RYR2: variants seen among roughly 807,000 people sequenced by gnomAD.
RYR2 encodes the protein ryanodine receptor 2.
In RYR2, 227 loss-of-function variants were observed where a neutral mutation model predicts 601.1. That is an observed-to-expected ratio of 0.38 (90% CI 0.34 to 0.42). The LOEUF is 0.42. Ranked by LOEUF, RYR2 falls within the 10% of genes least tolerant of loss-of-function variation. The probability of loss-of-function intolerance (pLI) is 1.00; values close to 1 mark genes in which losing one functional copy is unlikely to be tolerated. For synonymous variants in RYR2, 2,223 were observed against 2,175.1 expected, an observed-to-expected ratio of 1.02 and a Z score of -0.61; for missense variants, 4,646 against 6,156.5, an observed-to-expected ratio of 0.75 and a Z score of 8.21.
intron 1 of RYR2, among the ~76,000 whole-genome samples, chr1:237,092,773 C>T (rs1374638019): frequency 6.6e-6 from 1 of 152,176 alleles, no homozygotes; most frequent in Non-Finnish European, 1.5e-5. Flanking sequence ...TCTAGTGATC[C>T]ACCTGCCTCA....
chr1:237,294,766 C>T (rs1692590806), intron 2 of RYR2, among the ~76,000 whole-genome samples: 1 of 152,118 alleles, frequency 6.6e-6, no homozygotes, highest in Non-Finnish European at 1.5e-5. Flanking sequence ...TAACCCCCAA[C>T]CCCCTGGCCC....
intron 10 of RYR2, among the ~76,000 whole-genome samples, chr1:237,405,583 T>C (rs1248121950): frequency 6.6e-6 from 1 of 152,156 alleles, no homozygotes; most frequent in African/African-American, 2.4e-5. Flanking sequence ...CCATCAGAGA[T>C]GTTTTCCTTC....
At chr1:237,104,927 T>C (rs1043396604) in intron 1 of RYR2, among the ~76,000 whole-genome samples, 1 of 152,202 alleles carries the variant, frequency 6.6e-6, no homozygotes, top group Non-Finnish European at 1.5e-5. Context: ...GTTTGCCACA[T>C]TCCCTTCTCC....
At chr1:237,310,930 C>A (rs1694485376) in intron 2 of RYR2, among the ~76,000 whole-genome samples, 1 of 152,118 alleles carries the variant, frequency 6.6e-6, no homozygotes, top group Non-Finnish European at 1.5e-5. Flanking sequence ...GTAGAAGTTT[C>A]ACAGTTAGGG....
chr1:237,442,544 T>G (rs1367617543), intron 13 of RYR2, among the ~76,000 whole-genome samples: 1 of 152,202 alleles, frequency 6.6e-6, no homozygotes, highest in East Asian at 1.9e-4. Flanking sequence ...CCTGTTTGTA[T>G]TCATATTTAT....
At chr1:237,621,726 A>G (rs1679097051) in intron 38 of RYR2, among the ~76,000 whole-genome samples, 1 of 152,218 alleles carries the variant, frequency 6.6e-6, no homozygotes, top group African/African-American at 2.4e-5. Context: ...TACCTCATAA[A>G]TACATACAAT....
At chr1:237,312,817 C>T (rs1283060205) in intron 2 of RYR2, among the ~76,000 whole-genome samples, 1 of 152,146 alleles carries the variant, frequency 6.6e-6, no homozygotes, top group African/African-American at 2.4e-5. Flanking sequence ...ACTATTGCTA[C>T]CTGAATTGCA....
intron 58 of RYR2, among the ~76,000 whole-genome samples, chr1:237,669,271 T>C (rs982914895): frequency 1.5e-4 from 23 of 152,208 alleles, no homozygotes; most frequent in South Asian, 8.3e-4. Context: ...CTCCCATGTA[T>C]ACTTCTTTCT....
At chr1:237,420,572 T>C (rs2150045990) in intron 11 of RYR2, among the ~76,000 whole-genome samples, 1 of 152,286 alleles carries the variant, frequency 6.6e-6, no homozygotes, top group East Asian at 1.9e-4. Flanking sequence ...CCAGGCTAGT[T>C]TGAGTGGCTG....
intron 79 of RYR2, among the ~76,000 whole-genome samples, chr1:237,738,183 C>A (rs1691310410): frequency 6.6e-6 from 1 of 152,160 alleles, no homozygotes. Context: ...TCCACCACTG[C>A]AGGTCCCTTG....
chr1:237,235,237 T>C (rs1020160195), intron 1 of RYR2, among the ~76,000 whole-genome samples: 3 of 152,228 alleles, frequency 2.0e-5, no homozygotes, highest in African/African-American at 7.2e-5. Flanking sequence ...AGCTGAAGGC[T>C]CTTGTCAGGC....
At chr1:237,160,014 C>A (rs1377128066) in intron 1 of RYR2, among the ~76,000 whole-genome samples, 2 of 152,132 alleles carry the variant, frequency 1.3e-5, no homozygotes, top group Non-Finnish European at 2.9e-5. Context: ...AGGGACCATG[C>A]TTTACTAATG....
chr1:237,517,382 C>T (rs191806300), intron 24 of RYR2, among the ~76,000 whole-genome samples: 21 of 152,276 alleles, frequency 1.4e-4, no homozygotes, highest in East Asian at 3.9e-4. Flanking sequence ...TTAATATTTG[C>T]CTTTCCTTCT....
chr1:237,803,365 ACAC>A (rs1558450264), intron 98 of RYR2, among the ~76,000 whole-genome samples: 4 of 150,328 alleles, frequency 2.7e-5, no homozygotes, highest in African/African-American at 7.4e-5. Flanking sequence ...GTGCAGTGGC[ACAC>A]TCTCCGCTCA....
chr1:237,369,539 T>C lies in RYR2; in HGVS notation c.315T>C (p.Ala105=), dbSNP rs749284472. The C allele has an allele frequency of 6.4e-7, 1 of 1,561,444 alleles. No individual in the cohort carries two copies. Among genetic ancestry groups the C allele is most frequent in the South Asian group, 1.2e-5 (1 of 84,626 alleles). ...VEKWKFMMKT[A]QGGGHRTLLY... ...TTTTTCTCTTCTCTCTAAAGACTGC[T>C]CAAGGTGGTGGTCATCGAACACTCC... The change falls in exon 6 of 105, where the codon GCT becomes GCC. Residue 105 remains alanine (A), a synonymous_variant. Coordinates refer to ENST00000366574, the MANE Select transcript of RYR2 (RefSeq NM_001035.3).
At chr1:237,613,996 T>C (rs371162985) in intron 36 of RYR2, 43 bp from the exon 37 acceptor site, 18 of 1,544,550 alleles carry the variant, frequency 1.2e-5, no homozygotes, top group Middle Eastern at 1.8e-4. Flanking sequence ...TTTTAAAAAA[T>C]CATTCATTTC....
intron 97 of RYR2, among the ~76,000 whole-genome samples, chr1:237,801,465 CG>C (rs1407765977): frequency 1.3e-5 from 2 of 148,650 alleles, no homozygotes; most frequent in African/African-American, 2.5e-5. Flanking sequence ...TCGCTTGAAC[CG>C]GGGAGGCAGA....
At chr1:237,624,784 G>T (rs1449775011) in intron 39 of RYR2, among the ~76,000 whole-genome samples, 2 of 152,100 alleles carry the variant, frequency 1.3e-5, no homozygotes, top group East Asian at 3.9e-4. Context: ...TGTGGATAAG[G>T]TCTGATGATT....
At chr1:237,662,099 A>G (rs1345348318) in intron 56 of RYR2, among the ~76,000 whole-genome samples, 1 of 152,158 alleles carries the variant, frequency 6.6e-6, no homozygotes, top group African/African-American at 2.4e-5. Context: ...TGTGCTTCAC[A>G]TGCTCCATAT....
Sources: allele counts gnomAD v4.1 joint callset (sites outside exome capture counted in the v4.1 genomes callset), GRCh38; gene constraint gnomAD v4.1.1; transcripts MANE v1.5; gene names NCBI Gene and HGNC (gene_info 2026-07-23, HGNC 2026-07-21).